Variants in ARHGAP24 observed in about 807,000 individuals in gnomAD.
ARHGAP24 encodes Rho GTPase activating protein 24.
In ARHGAP24, 50 loss-of-function variants were observed where a neutral mutation model predicts 76.4. That is an observed-to-expected ratio of 0.65 (90% CI 0.52 to 0.83). ARHGAP24 has a LOEUF of 0.83. Ranked by LOEUF, ARHGAP24 falls within the 40% of genes least tolerant of loss-of-function variation. The pLI is 0.00. For missense variants in ARHGAP24, 930 were observed against 914.2 expected (o/e 1.02, Z -0.22); for synonymous variants, 345 against 323.3 (o/e 1.07, Z -0.72).
intron 8 of ARHGAP24, among the ~76,000 whole-genome samples, chr4:85,985,874 C>T (rs1320487650): frequency 6.6e-6 from 1 of 152,170 alleles, no homozygotes; most frequent in Non-Finnish European, 1.5e-5. Flanking sequence ...GCAGCATTAG[C>T]CTGATCTGAG....
intron 4 of ARHGAP24, chr4:85,930,247 G>C (rs896711605): frequency 1.0e-6 from 1 of 985,390 alleles, no homozygotes; most frequent in East Asian, 1.1e-4. Flanking sequence ...ATGGGCACTC[G>C]ACTGTTCTGA....
intron 3 of ARHGAP24, among the ~76,000 whole-genome samples, chr4:85,779,989 T>G (rs944349493): frequency 2.0e-5 from 3 of 152,182 alleles, no homozygotes; most frequent in Non-Finnish European, 4.4e-5. Context: ...CTTCATGAGA[T>G]CCACTATATG....
intron 1 of ARHGAP24, among the ~76,000 whole-genome samples, chr4:85,490,253 G>T (rs1286322177): frequency 1.3e-5 from 2 of 152,252 alleles, no homozygotes; most frequent in East Asian, 3.9e-4. Context: ...TTAGGGAACA[G>T]GTCTAGTGAT....
intron 2 of ARHGAP24, among the ~76,000 whole-genome samples, chr4:85,631,861 C>G (rs1014273002): frequency 1.3e-5 from 2 of 151,960 alleles, no homozygotes; most frequent in African/African-American, 4.8e-5. Flanking sequence ...AAACTGAGGT[C>G]AGACTGATTT....
intron 2 of ARHGAP24, among the ~76,000 whole-genome samples, chr4:85,607,502 G>T (rs1421585266): frequency 6.6e-6 from 1 of 151,610 alleles, no homozygotes. Flanking sequence ...TATCATGCAG[G>T]AATCATCTCC....
intron 3 of ARHGAP24, among the ~76,000 whole-genome samples, chr4:85,825,215 G>A (rs1729656639): frequency 6.6e-6 from 1 of 152,176 alleles, no homozygotes; most frequent in Non-Finnish European, 1.5e-5. Context: ...TTTTTCAATT[G>A]AGATATCTGA....
At chr4:85,617,654 A>AAT (rs1720584338) in intron 2 of ARHGAP24, among the ~76,000 whole-genome samples, 1 of 152,196 alleles carries the variant, frequency 6.6e-6, no homozygotes, top group African/African-American at 2.4e-5. Context: ...TTAGATTTCC[A>AAT]ATACTGTGCT....
intron 3 of ARHGAP24, among the ~76,000 whole-genome samples, chr4:85,831,085 A>G (rs1301089473): frequency 6.6e-6 from 1 of 152,226 alleles, no homozygotes; most frequent in Non-Finnish European, 1.5e-5. Flanking sequence ...TGCTATTTAA[A>G]CATTTAAGTT....
intron 3 of ARHGAP24, among the ~76,000 whole-genome samples, chr4:85,788,990 C>G (rs1727989856): frequency 6.6e-6 from 1 of 152,068 alleles, no homozygotes; most frequent in Non-Finnish European, 1.5e-5. Context: ...TCCATGGAAT[C>G]TCTAGAGTGA....
intron 1 of ARHGAP24, among the ~76,000 whole-genome samples, chr4:85,494,041 A>G (rs923191503): frequency 1.3e-5 from 2 of 152,188 alleles, no homozygotes; most frequent in Admixed American, 6.5e-5. Context: ...ATATTTACAT[A>G]CTTAAGTGAG....
chr4:85,996,800 TG>T (rs1560776036), intron 9 of ARHGAP24, among the ~76,000 whole-genome samples: 1 of 152,156 alleles, frequency 6.6e-6, no homozygotes, highest in Non-Finnish European at 1.5e-5. Context: ...GGAACCACTA[TG>T]TATTGGAATT....
chr4:85,637,905 A>G (rs1415785478), intron 2 of ARHGAP24, among the ~76,000 whole-genome samples: 2 of 152,098 alleles, frequency 1.3e-5, no homozygotes, highest in African/African-American at 4.8e-5. Flanking sequence ...ATTGCTCAGA[A>G]CTAAGCCTGT....
chr4:85,705,689 GA>G (rs1310628876), intron 2 of ARHGAP24, among the ~76,000 whole-genome samples: 7 of 152,174 alleles, frequency 4.6e-5, no homozygotes, highest in Non-Finnish European at 1.0e-4. Flanking sequence ...GAATGAGGCA[GA>G]GAGAAGGTCA....
chr4:85,867,884 A>ATATAAC (rs1321879518), intron 3 of ARHGAP24, among the ~76,000 whole-genome samples: 1 of 90,750 alleles, frequency 1.1e-5, no homozygotes, highest in Admixed American at 1.4e-4. Context: ...AAACATATAT[A>ATATAAC]ATGTGTGTGT....
intron 2 of ARHGAP24, among the ~76,000 whole-genome samples, chr4:85,597,720 C>T (rs1352202200): frequency 6.6e-6 from 1 of 151,250 alleles, no homozygotes; most frequent in African/African-American, 2.4e-5. Flanking sequence ...ATAGGTGGTA[C>T]TTTTATTATA....
intron 2 of ARHGAP24, among the ~76,000 whole-genome samples, chr4:85,699,856 A>C (rs1724009689): frequency 6.6e-6 from 1 of 152,282 alleles, no homozygotes; most frequent in Non-Finnish European, 1.5e-5. Flanking sequence ...GATGTATCCA[A>C]AGTACCTAGA....
chr4:85,756,416 A>G (rs1403161794), intron 3 of ARHGAP24, among the ~76,000 whole-genome samples: 1 of 152,188 alleles, frequency 6.6e-6, no homozygotes, highest in African/African-American at 2.4e-5. Flanking sequence ...AAACTTTTTG[A>G]TCATAATATA....
At chr4:85,949,119 C>T (rs553824733) in intron 5 of ARHGAP24, among the ~76,000 whole-genome samples, 6 of 152,162 alleles carry the variant, frequency 3.9e-5, no homozygotes, top group Non-Finnish European at 5.9e-5. Context: ...TTTCCAGCAC[C>T]GTTTAATAAG....
rs549315180 is a variant in ARHGAP24, at chr4:85,987,917, C to G, written c.929-6666C>G. Among the ~76,000 whole-genome samples the G allele has an allele frequency of 1.4e-4, 21 of 151,840 alleles. No homozygotes were observed. In the South Asian group the frequency reaches 3.5e-3, roughly 26 times the overall value. On this transcript the variant is annotated intron_variant, in intron 8 of 9. Coordinates refer to ENST00000395184, the MANE Select transcript of ARHGAP24 (RefSeq NM_001025616.3). ...CCAATTTAAGAGAAAAGCTTAAGAG[C>G]AGACTGAGGAACAAAGGACACATTA...
Sources: gnomAD v4.1 joint callset for allele counts (sites outside exome capture counted in the v4.1 genomes callset) on GRCh38, gnomAD v4.1.1 for gene constraint, MANE v1.5 for transcripts, NCBI Gene and HGNC (gene_info 2026-07-23, HGNC 2026-07-21) for gene names.